Variants in CYB5R4 observed in about 807,000 individuals in gnomAD.
CYB5R4 encodes the protein N-terminal cytochrome b5 and cytochrome b5 oxidoreductase domain-containing protein.
Under a neutral mutation model 70.2 loss-of-function variants are expected in CYB5R4, and 55 were observed. The ratio of observed to expected loss-of-function variants is 0.78; its 90% CI spans 0.63 to 0.98. CYB5R4 has a LOEUF of 0.98. Ranked by LOEUF, CYB5R4 falls within the 50% of genes least tolerant of loss-of-function variation. CYB5R4 has a pLI of 0.00. For missense variants in CYB5R4, 562 were observed against 612.6 expected, an observed-to-expected ratio of 0.92 and a Z score of 0.87; for synonymous variants, 197 against 199.5, an observed-to-expected ratio of 0.99 and a Z score of 0.11.
chr6:83,936,722 A>G (rs1380363655), intron 12 of CYB5R4, among the ~76,000 whole-genome samples: 3 of 152,092 alleles, frequency 2.0e-5, no homozygotes, highest in Non-Finnish European at 2.9e-5. Flanking sequence ...AGCCTTCATC[A>G]TATCTTCATT....
intron 4 of CYB5R4, among the ~76,000 whole-genome samples, chr6:83,912,741 G>C (rs932003269): frequency 1.3e-5 from 2 of 152,210 alleles, no homozygotes; most frequent in Non-Finnish European, 2.9e-5. Context: ...AAATATGCTT[G>C]AAAGTGAAAA....
intron 3 of CYB5R4, among the ~76,000 whole-genome samples, chr6:83,897,765 G>T (rs1454240800): frequency 9.9e-5 from 15 of 151,846 alleles, no homozygotes; most frequent in Admixed American, 2.6e-4. Flanking sequence ...TAAATTTGTT[G>T]GAGTTCTTTG....
intron 12 of CYB5R4, 25 bp downstream of exon 12, chr6:83,936,401 C>A (rs761988243): frequency 6.2e-7 from 1 of 1,603,052 alleles, no homozygotes; most frequent in Non-Finnish European, 8.5e-7. Context: ...ATTTTTTAAA[C>A]CTCATTTGTG....
intron 2 of CYB5R4, among the ~76,000 whole-genome samples, chr6:83,881,445 G>A (rs1216169435): frequency 6.6e-6 from 1 of 152,118 alleles, no homozygotes; most frequent in Non-Finnish European, 1.5e-5. Flanking sequence ...CAGAGTGCTG[G>A]GATTACCAGG....
chr6:83,927,010 C>T (rs2099467393), intron 10 of CYB5R4, among the ~76,000 whole-genome samples: 2 of 152,118 alleles, frequency 1.3e-5, no homozygotes, highest in South Asian at 4.1e-4. Context: ...GAGTCATTTA[C>T]CAGTCTTCTC....
chr6:83,910,215 A>G lies in CYB5R4; in HGVS notation c.412+1125A>G, dbSNP rs535679871. 21 of 1,367,120 alleles carry G rather than the reference A, an allele frequency of 1.5e-5. No homozygotes were observed. In the South Asian group the frequency reaches 2.0e-4, roughly 13 times the overall value. The allele number at this position is 1,367,120 out of a possible 1,614,324, so 84.7% of individuals were successfully genotyped here. A position where few individuals can be genotyped will look rare whatever the true frequency, so the allele number is the denominator to read the frequency against. ...ATTGAATGGGCTGCCTGCCAGTTGGAAGTTCAACTTTTGTAAAGTCAGTCA... is the reference window on the plus strand; with the variant it reads ...ATTGAATGGGCTGCCTGCCAGTTGGGAGTTCAACTTTTGTAAAGTCAGTCA... On this transcript the variant is annotated intron_variant, in intron 4 of 15. Coordinates refer to ENST00000369681, the MANE Select transcript of CYB5R4 (RefSeq NM_016230.4).
chr6:83,875,637 G>A (rs1171737330), intron 2 of CYB5R4, among the ~76,000 whole-genome samples: 1 of 152,176 alleles, frequency 6.6e-6, no homozygotes, highest in East Asian at 1.9e-4. Context: ...CTACTCCATA[G>A]GACAGAGTAG....
At chr6:83,926,079 A>T (rs2099467225) in intron 10 of CYB5R4, among the ~76,000 whole-genome samples, 1 of 152,074 alleles carries the variant, frequency 6.6e-6, no homozygotes, top group South Asian at 2.1e-4. Flanking sequence ...GGTGTCTTTA[A>T]TATTAAATGC....
intron 3 of CYB5R4, among the ~76,000 whole-genome samples, chr6:83,905,857 C>T (rs571460523): frequency 5.3e-5 from 8 of 152,138 alleles, no homozygotes; most frequent in East Asian, 3.9e-4. Flanking sequence ...TTATGGGCTG[C>T]GCAGGCCAGT....
intron 15 of CYB5R4, among the ~76,000 whole-genome samples, chr6:83,959,553 A>C (rs2099472986): frequency 6.6e-6 from 1 of 152,156 alleles, no homozygotes; most frequent in Non-Finnish European, 1.5e-5. Flanking sequence ...ATAATGAGTA[A>C]ATTTTAATTG....
At chr6:83,908,941 C>A in intron 3 of CYB5R4, 68 bp from the exon 4 acceptor site, 1 of 1,329,618 alleles carries the variant, frequency 7.5e-7, no homozygotes, top group South Asian at 1.2e-5. Context: ...TAGTTTTGCT[C>A]GTACTAAAAT....
chr6:83,950,315 A>G (rs3778183), intron 14 of CYB5R4, among the ~76,000 whole-genome samples: 13,561 of 152,154 alleles, frequency 0.089, 923 homozygotes, highest in East Asian at 0.26. Context: ...CTTACGAAAA[A>G]TGAGACAAAA....
intron 12 of CYB5R4, 143 bp from the exon 13 acceptor site, chr6:83,939,913 A>G: frequency 1.8e-6 from 1 of 553,626 alleles, no homozygotes; most frequent in Non-Finnish European, 3.2e-6. Context: ...AGACTGATAA[A>G]TAGTCTGCAA....
At chr6:83,951,293 T>C (rs2099471478) in intron 14 of CYB5R4, among the ~76,000 whole-genome samples, 1 of 151,914 alleles carries the variant, frequency 6.6e-6, no homozygotes, top group Non-Finnish European at 1.5e-5. Context: ...TTTAAGGCTC[T>C]TGATACCTAT....
chr6:83,912,006 G>A (rs1480029833), intron 4 of CYB5R4, among the ~76,000 whole-genome samples: 3 of 144,804 alleles, frequency 2.1e-5, no homozygotes, highest in South Asian at 2.2e-4. Flanking sequence ...GCAGTGAGCC[G>A]AGATATCACC....
intron 14 of CYB5R4, among the ~76,000 whole-genome samples, chr6:83,943,235 G>A (rs1227382705): frequency 1.3e-5 from 2 of 152,120 alleles, no homozygotes. Context: ...TTTGGTGGGT[G>A]CCCTCTGGGA....
intron 14 of CYB5R4, among the ~76,000 whole-genome samples, chr6:83,954,305 TTTAGAA>T (rs780338250): frequency 1.3e-5 from 2 of 152,230 alleles, no homozygotes; most frequent in Non-Finnish European, 2.9e-5. Context: ...TAACAGCCTC[TTTAGAA>T]TATCCTTAAA....
chr6:83,912,240 T>C (rs2099464810), intron 4 of CYB5R4, among the ~76,000 whole-genome samples: 1 of 152,208 alleles, frequency 6.6e-6, no homozygotes. Flanking sequence ...GTTGTTGTTG[T>C]TGTGACTCTT....
chr6:83,919,488 A>G, intron 7 of CYB5R4, 34 bp downstream of exon 7: 1 of 1,165,020 alleles, frequency 8.6e-7, no homozygotes, highest in Non-Finnish European at 1.2e-6. Flanking sequence ...AAAGAAGAAA[A>G]TAATAAATGT....
Sources: gnomAD v4.1 joint callset for allele counts (sites outside exome capture counted in the v4.1 genomes callset) on GRCh38, gnomAD v4.1.1 for gene constraint, MANE v1.5 for transcripts, NCBI Gene and HGNC (gene_info 2026-07-23, HGNC 2026-07-21) for gene names.